LPAR1: variants seen among roughly 807,000 people sequenced by gnomAD.
The protein encoded by LPAR1 is LPA receptor 1.
A neutral mutation model predicts 23.8 loss-of-function variants in LPAR1; 5 were observed. The observed-to-expected ratio is 0.21, with a 90% CI of 0.11 to 0.44. The LOEUF is 0.44. LPAR1 is among the 20% of genes least tolerant of loss of function. LPAR1 has a pLI of 0.99. For synonymous variants in LPAR1, 160 were observed against 164.7 expected, an observed-to-expected ratio of 0.97 and a Z score of 0.22; for missense variants, 311 against 482.8, an observed-to-expected ratio of 0.64 and a Z score of 3.33.
chr9:111,032,545 G>C (rs967623135), intron 2 of LPAR1, among the ~76,000 whole-genome samples: 5 of 151,962 alleles, frequency 3.3e-5, no homozygotes, highest in African/African-American at 9.7e-5. Flanking sequence ...TGAGATGGGG[G>C]GAAAAAAAGT....
intron 4 of LPAR1, among the ~76,000 whole-genome samples, chr9:110,948,976 A>C (rs1438415285): frequency 6.6e-6 from 1 of 152,028 alleles, no homozygotes; most frequent in Non-Finnish European, 1.5e-5. Flanking sequence ...TGTCAAGCTC[A>C]GGCTCCAGAT....
intron 5 of LPAR1, among the ~76,000 whole-genome samples, chr9:110,909,381 G>C (rs1361673489): frequency 6.7e-6 from 1 of 148,990 alleles, no homozygotes; most frequent in African/African-American, 2.5e-5. Context: ...ACATTTCATT[G>C]ATTGACATCA....
chr9:110,924,884 T>C (rs1481019506), intron 5 of LPAR1, among the ~76,000 whole-genome samples: 2 of 152,340 alleles, frequency 1.3e-5, no homozygotes, highest in Non-Finnish European at 2.9e-5. Flanking sequence ...ACTTCTTTTA[T>C]GGTACTTTTG....
intron 2 of LPAR1, among the ~76,000 whole-genome samples, chr9:111,025,808 T>A (rs556664338): frequency 3.0e-4 from 45 of 152,360 alleles, no homozygotes; most frequent in African/African-American, 1.1e-3. Flanking sequence ...TAGGAAATCC[T>A]TTCCCCATTG....
chr9:111,011,790 G>A (rs972840227), intron 2 of LPAR1, among the ~76,000 whole-genome samples: 33 of 152,278 alleles, frequency 2.2e-4, no homozygotes, highest in African/African-American at 7.7e-4. Context: ...TGTTTAGAGA[G>A]CACATTATAA....
intron 2 of LPAR1, among the ~76,000 whole-genome samples, chr9:111,035,466 G>A (rs1400092492): frequency 3.3e-5 from 5 of 151,992 alleles, no homozygotes; most frequent in East Asian, 3.9e-4. Flanking sequence ...TCAAGCGATC[G>A]TCCTGCCTCA....
At chr9:110,953,429 C>T (rs191960950) in intron 4 of LPAR1, among the ~76,000 whole-genome samples, 4 of 152,140 alleles carry the variant, frequency 2.6e-5, no homozygotes, top group East Asian at 3.9e-4. Context: ...TTTGGGAGGC[C>T]GAGGTGGACA....
intron 4 of LPAR1, among the ~76,000 whole-genome samples, chr9:110,953,768 C>G (rs182969062): frequency 1.3e-5 from 2 of 152,222 alleles, no homozygotes; most frequent in Non-Finnish European, 2.9e-5. Context: ...CCAAAGTGAC[C>G]TACACAACCA....
At chr9:110,889,809 C>T (rs774998558) in intron 5 of LPAR1, among the ~76,000 whole-genome samples, 1 of 152,028 alleles carries the variant, frequency 6.6e-6, no homozygotes, top group Non-Finnish European at 1.5e-5. Flanking sequence ...GTGTTATATC[C>T]AAATGGAATA....
chr9:110,988,768 C>T (rs762947815), intron 2 of LPAR1, among the ~76,000 whole-genome samples: 3 of 152,086 alleles, frequency 2.0e-5, no homozygotes, highest in Non-Finnish European at 4.4e-5. Context: ...TATGATCCAG[C>T]AATTCCACTC....
chr9:110,923,826 T>C (rs1032377553), intron 5 of LPAR1, among the ~76,000 whole-genome samples: 5 of 152,220 alleles, frequency 3.3e-5, no homozygotes, highest in Admixed American at 3.3e-4. Flanking sequence ...AAAGTAACAC[T>C]GTTAATCACC....
chr9:110,899,815 G>T (rs555080628), intron 5 of LPAR1, among the ~76,000 whole-genome samples: 1 of 152,154 alleles, frequency 6.6e-6, no homozygotes, highest in African/African-American at 2.4e-5. Flanking sequence ...ATTTTGGCTA[G>T]ATGATTCTTT....
chr9:110,875,979 A>G (rs1274041886), intron 5 of LPAR1, among the ~76,000 whole-genome samples: 1 of 152,226 alleles, frequency 6.6e-6, no homozygotes, highest in African/African-American at 2.4e-5. Flanking sequence ...TTTTGAGCAA[A>G]ACACAAAGAG....
Position 111,038,368 on chromosome 9 carries a change from G to A in LPAR1, c.-463C>T. On this transcript the variant is annotated 5_prime_UTR_variant, in exon 1 of 6. Transcript: ENST00000683809. This position sits in a 1 kb window ranked among gnomAD's most constrained non-coding sequence, Gnocchi z 4.4. ...TCGGCCGGGCGGCGGGGAGGGCTCC[G>A]CGGCTCCGGGCCCTGGCCGCCCCAG... 6.3e-6 allele frequency: 1 copy of A among 158,830 alleles called. No individual in the cohort carries two copies. The highest frequency in any genetic ancestry group is 1.4e-5 in the Non-Finnish European group (1 of 72,884). The allele number at this position is 158,830 out of a possible 1,614,324, so 9.8% of individuals were successfully genotyped here. A position where few individuals can be genotyped will look rare whatever the true frequency, so the allele number is the denominator to read the frequency against.
At chr9:110,975,502 T>C (rs1342103656) in intron 2 of LPAR1, among the ~76,000 whole-genome samples, 1 of 152,162 alleles carries the variant, frequency 6.6e-6, no homozygotes, top group East Asian at 1.9e-4. Flanking sequence ...AGTCAGGAAA[T>C]GAAAGAGCTG....
At position 110,941,727 on chromosome 9, in the gene LPAR1, G is replaced by T. The variant is rs747849308; in HGVS notation, c.487C>A (p.Arg163=). The T allele has an allele frequency of 6.2e-7, 1 of 1,614,092 alleles. No homozygotes were observed. The highest frequency in any genetic ancestry group is 1.3e-5 in the African/African-American group (1 of 75,046). ...MQLHTRMSNR[R]VVVVIVVIWT... ...ATGACCACAATGACCACCACTACCC[G>T]CCGGTTGCTCATCCGTGTGTGGAGC... The change falls in exon 5 of 6, where the codon CGG becomes AGG. Residue 163 remains arginine, a synonymous_variant. Transcript: ENST00000683809. This position sits in a 1 kb window ranked among gnomAD's most constrained non-coding sequence, Gnocchi z 6.1.
At position 111,016,122 on chromosome 9, in the gene LPAR1, T is replaced by A. The variant is rs572985782; in HGVS notation, c.-182+20000A>T. Among the ~76,000 whole-genome samples, 29 of 152,238 alleles carry A rather than the reference T, an allele frequency of 1.9e-4. 1 individual carries two copies. The East Asian group carries it at 2.9e-3, about 15-fold the overall frequency. The stretch of plus-strand genomic sequence containing the variant: ...AATTCTATGCCTGGCAAATATCTAC[T>A]CATCTTTCCAGTCACAGCCTTTCAA... On this transcript the variant is annotated intron_variant, in intron 2 of 5. Transcript: ENST00000683809.
chr9:110,892,852 G>GGCAGGCAGGCAGGCAGGCAC (rs2084952474), intron 5 of LPAR1, among the ~76,000 whole-genome samples: 2 of 113,662 alleles, frequency 1.8e-5, no homozygotes, highest in Non-Finnish European at 4.1e-5. Context: ...CAGGCAGGCA[G>GGCAGGCAGGCAGGCAGGCAC]GCAGGCAGGC....
Position 110,905,072 on chromosome 9 carries a change from T to C in LPAR1, c.794-29350A>G, listed in dbSNP as rs545501730. ...GGGAACACCAATAAGCAAAGCAGGGTCACCTATTTACTGCTGTTCATTCGG... is the reference window on the plus strand; with the variant it reads ...GGGAACACCAATAAGCAAAGCAGGGCCACCTATTTACTGCTGTTCATTCGG... On this transcript the variant is annotated intron_variant, in intron 5 of 5. Coordinates refer to ENST00000683809, the MANE Select transcript of LPAR1 (RefSeq NM_001351411.2). Among the ~76,000 whole-genome samples the C allele has an allele frequency of 4.6e-5, 7 of 151,336 alleles. No homozygotes were observed. In the East Asian group the frequency reaches 1.4e-3, roughly 29 times the overall value.
Sources: gnomAD v4.1 joint callset for allele counts (sites outside exome capture counted in the v4.1 genomes callset) on GRCh38, gnomAD v4.1.1 for gene constraint, Gnocchi (gnomAD v3.1) non-coding constraint, MANE v1.5 for transcripts, NCBI Gene and HGNC (gene_info 2026-07-23, HGNC 2026-07-21) for gene names.